MMP26: variants seen among roughly 807,000 people sequenced by gnomAD.
MMP26 encodes the protein matrix metalloproteinase-26.
Under a neutral mutation model 31.0 loss-of-function variants are expected in MMP26, and 33 were observed. That is an observed-to-expected ratio of 1.06 (90% confidence interval 0.81 to 1.42). The LOEUF is 1.42. Ranked by LOEUF, MMP26 falls within the 40% of genes most tolerant of loss-of-function variation. MMP26 has a pLI of 0.00. For synonymous variants in MMP26, 122 were observed against 114.9 expected (o/e 1.06, Z -0.40); for missense variants, 347 against 316.1 (o/e 1.10, Z -0.74).
At position 4,952,476 on chromosome 11, in the gene MMP26, A is replaced by T. The variant is rs186800677; in HGVS notation, c.-144-35592A>T. 7.1e-5 allele frequency among the ~76,000 whole-genome samples: 9 copies of T among 125,968 alleles called. 3 individuals are homozygous for T. The highest frequency in any genetic ancestry group is 1.9e-4 in the African/African-American group (7 of 37,136). 82.6% of individuals were successfully genotyped at this position (125,968 alleles called of 152,430 possible). The stretch of plus-strand genomic sequence containing the variant: ...ATCTGTATTTGTAAGACTTTGGAAA[A>T]GGCAGATGGATATAGTTACGCACCT... On this transcript the variant is annotated intron_variant, in intron 2 of 7. Transcript: ENST00000380390.
chr11:4,913,459 A>G (rs916655703), intron 2 of MMP26: 4 of 152,182 alleles, frequency 2.6e-5, no homozygotes, highest in African/African-American at 9.7e-5. Flanking sequence ...CCCCTTGGCA[A>G]TATCACATTC....
chr11:4,769,443 A>ATT, intron 2 of MMP26: 1 of 1,613,138 alleles, frequency 6.2e-7, no homozygotes, highest in Non-Finnish European at 8.5e-7. Context: ...AGTAGTGGCA[A>ATT]TATTAGTACT....
intron 2 of MMP26, among the ~76,000 whole-genome samples, chr11:4,816,514 A>T (rs528517814): frequency 1.9e-3 from 227 of 120,278 alleles, no homozygotes; most frequent in Middle Eastern, 4.9e-3. Flanking sequence ...TGAGATAATT[A>T]AAAAAAAAAG....
intron 2 of MMP26, chr11:4,938,183 G>A (rs1362975259): frequency 6.6e-6 from 1 of 152,050 alleles, no homozygotes; most frequent in Admixed American, 6.6e-5. Flanking sequence ...CAAGAAAGAA[G>A]GTACACAGAT....
rs576345212 is a variant in MMP26, at chr11:4,856,139, G to A, written c.-145+88798G>A. ...AACATGCCAAATTGTAAAGACCATCGATGCTAGGAAGAAACTGCATCAACT... is the reference window on the plus strand; with the variant it reads ...AACATGCCAAATTGTAAAGACCATCAATGCTAGGAAGAAACTGCATCAACT... On this transcript the variant is annotated intron_variant, in intron 2 of 7. Transcript: ENST00000380390. 2.2e-3 allele frequency among the ~76,000 whole-genome samples: 333 copies of A among 152,254 alleles called. 1 individual carries two copies. The highest frequency in any genetic ancestry group is 7.3e-3 in the African/African-American group (305 of 41,550).
intron 2 of MMP26, among the ~76,000 whole-genome samples, chr11:4,841,130 A>G (rs1849788399): frequency 1.3e-5 from 2 of 152,210 alleles, no homozygotes; most frequent in South Asian, 4.1e-4. Flanking sequence ...GAGACAAAAC[A>G]AAAAAGAATA....
At chr11:4,990,125 G>T (rs1223501404) in intron 4 of MMP26, among the ~76,000 whole-genome samples, 1 of 152,132 alleles carries the variant, frequency 6.6e-6, no homozygotes, top group South Asian at 2.1e-4. Context: ...TAATGCGTGA[G>T]TGTGTGGATG....
At chr11:4,937,843 G>A (rs1227059906) in intron 2 of MMP26, 1 of 152,796 alleles carries the variant, frequency 6.5e-6, no homozygotes, top group African/African-American at 2.4e-5. Context: ...ATTCTTGGAA[G>A]TCAGAAGAAC....
chr11:4,779,735 T>C (rs914771715), intron 2 of MMP26, among the ~76,000 whole-genome samples: 4 of 152,112 alleles, frequency 2.6e-5, no homozygotes, highest in Non-Finnish European at 1.5e-5. Context: ...TTTTCAAATT[T>C]ATTGTTTTCA....
chr11:4,791,914 C>T (rs1345735537), intron 2 of MMP26, among the ~76,000 whole-genome samples: 1 of 151,672 alleles, frequency 6.6e-6, no homozygotes, highest in African/African-American at 2.4e-5. Flanking sequence ...TAGCAATCAC[C>T]CTATCTAATT....
chr11:4,985,595 A>G (rs1156730601), intron 2 of MMP26, among the ~76,000 whole-genome samples: 1 of 152,192 alleles, frequency 6.6e-6, no homozygotes, highest in Non-Finnish European at 1.5e-5. Context: ...CAAAATGATT[A>G]TTTATATGCT....
chr11:4,897,133 C>T (rs1370356617), intron 2 of MMP26, among the ~76,000 whole-genome samples: 2 of 148,522 alleles, frequency 1.3e-5, no homozygotes, highest in Non-Finnish European at 3.0e-5. Flanking sequence ...CACACACACA[C>T]ACGCTGATTT....
At chr11:4,723,766 A>T (rs1019097075) in intron 1 of MMP26, 53 of 1,492,156 alleles carry the variant, frequency 3.6e-5, no homozygotes, top group Non-Finnish European at 4.6e-5. Context: ...CATGTTGTCC[A>T]TGTTGCTCCG....
intron 1 of MMP26, among the ~76,000 whole-genome samples, chr11:4,721,666 G>C (rs1848015217): frequency 6.6e-6 from 1 of 152,082 alleles, no homozygotes; most frequent in South Asian, 2.1e-4. Context: ...CTGGAAACTT[G>C]TGCTCATTAT....
chr11:4,761,595 C>T (rs1410436928), intron 1 of MMP26, among the ~76,000 whole-genome samples: 1 of 152,098 alleles, frequency 6.6e-6, no homozygotes, highest in African/African-American at 2.4e-5. Flanking sequence ...GGAAAATAAA[C>T]GTATTGACCC....
At chr11:4,831,733 T>C (rs1207650169) in intron 2 of MMP26, among the ~76,000 whole-genome samples, 2 of 152,138 alleles carry the variant, frequency 1.3e-5, no homozygotes, top group Admixed American at 1.3e-4. Flanking sequence ...TTTGTGTGAG[T>C]ACATGACCAT....
At chr11:4,861,568 G>A (rs972628492) in intron 2 of MMP26, among the ~76,000 whole-genome samples, 1 of 151,764 alleles carries the variant, frequency 6.6e-6, no homozygotes, top group Admixed American at 6.6e-5. Context: ...ATATGCAAAT[G>A]ACACATTATT....
At chr11:4,892,444 C>A (rs1428425393) in intron 2 of MMP26, among the ~76,000 whole-genome samples, 1 of 152,146 alleles carries the variant, frequency 6.6e-6, no homozygotes, top group Non-Finnish European at 1.5e-5. Flanking sequence ...TGTTGCAGTA[C>A]CTCAATTGTC....
At position 4,751,111 on chromosome 11, in the gene MMP26, C is replaced by T. The variant is rs181221675; in HGVS notation, c.-216-16159C>T. On this transcript the variant is annotated intron_variant, in intron 1 of 7. Coordinates refer to ENST00000380390, the MANE Select transcript of MMP26 (RefSeq NM_021801.5). ...GAGAAATTTCTTGTGTTACACATGT[C>T]AAGTATTGAATCAAGGGAGTTATCA... 4.6e-5 allele frequency among the ~76,000 whole-genome samples: 7 copies of T among 152,062 alleles called. No individual in the cohort carries two copies. The East Asian group carries it at 1.4e-3, about 29-fold the overall frequency.
Sources: allele counts gnomAD v4.1 joint callset (sites outside exome capture counted in the v4.1 genomes callset), GRCh38; gene constraint gnomAD v4.1.1; transcripts MANE v1.5; gene names NCBI Gene and HGNC (gene_info 2026-07-23, HGNC 2026-07-21).